LRP1B: variants seen among roughly 807,000 people sequenced by gnomAD.
LRP1B encodes the protein low-density lipoprotein receptor-related protein 1B.
Under a neutral mutation model 556.6 loss-of-function variants are expected in LRP1B, and 217 were observed. The ratio of observed to expected loss-of-function variants is 0.39; its 90% confidence interval spans 0.35 to 0.44. The LOEUF is 0.44. Ranked by LOEUF, LRP1B falls within the 20% of genes least tolerant of loss-of-function variation. The pLI is 1.00. For synonymous variants in LRP1B, 2,047 were observed against 1,865.8 expected, an observed-to-expected ratio of 1.10 and a Z score of -2.50; for missense variants, 5,053 against 5,620.8, an observed-to-expected ratio of 0.90 and a Z score of 3.23.
chr2:140,357,467 A>AAATT (rs1682279618), intron 74 of LRP1B, among the ~76,000 whole-genome samples: 6 of 151,604 alleles, frequency 4.0e-5, no homozygotes, highest in African/African-American at 1.5e-4. Flanking sequence ...TTTTTCTTTA[A>AAATT]TATAAAAAAT....
chr2:141,359,774 C>CT (rs1688754270), intron 3 of LRP1B, among the ~76,000 whole-genome samples: 29 of 146,814 alleles, frequency 2.0e-4, no homozygotes, highest in Non-Finnish European at 2.7e-4. Flanking sequence ...CGCCCCGCCC[C>CT]GCCCCGCCCC....
chr2:140,233,368 T>C (rs1680555845), intron 90 of LRP1B, 42 bp from the exon 91 acceptor site: 1 of 1,416,136 alleles, frequency 7.1e-7, no homozygotes, highest in Non-Finnish European at 9.5e-7. Flanking sequence ...TTACTGGTCT[T>C]GGCCACATTA....
At chr2:141,409,960 C>T (rs1027678217) in intron 3 of LRP1B, among the ~76,000 whole-genome samples, 3 of 151,836 alleles carry the variant, frequency 2.0e-5, no homozygotes, top group African/African-American at 7.3e-5. Flanking sequence ...GCACTGAGTT[C>T]ACTGTAGAGG....
chr2:140,674,138 C>T (rs1052655694), intron 41 of LRP1B, among the ~76,000 whole-genome samples: 25 of 151,744 alleles, frequency 1.6e-4, no homozygotes, highest in South Asian at 4.2e-4. Context: ...TTAGTAGAGA[C>T]GGGGTTTAAC....
intron 79 of LRP1B, among the ~76,000 whole-genome samples, chr2:140,328,785 TACAC>T (rs142058381): frequency 0.02 from 3,086 of 152,042 alleles, 37 homozygotes; most frequent in African/African-American, 0.028. Flanking sequence ...CATGTTTTCA[TACAC>T]ACACACAAAC....
chr2:140,955,510 T>G (rs932313537), intron 18 of LRP1B, among the ~76,000 whole-genome samples: 1 of 151,768 alleles, frequency 6.6e-6, no homozygotes, highest in Non-Finnish European at 1.5e-5. Context: ...TGAACAAAAA[T>G]GGCTTACATG....
intron 18 of LRP1B, among the ~76,000 whole-genome samples, chr2:140,976,170 T>A (rs1169435248): frequency 6.6e-6 from 1 of 152,094 alleles, no homozygotes; most frequent in African/African-American, 2.4e-5. Context: ...TCCACCTACA[T>A]CAGCCTGCCA....
intron 2 of LRP1B, among the ~76,000 whole-genome samples, chr2:141,490,668 A>C (rs1013151714): frequency 1.2e-4 from 18 of 152,122 alleles, no homozygotes; most frequent in African/African-American, 2.4e-5. Flanking sequence ...CAAATAGATA[A>C]GAAAATAAAT....
chr2:141,711,960 C>G lies in LRP1B; in HGVS notation c.205+98319G>C, dbSNP rs146944128. On this transcript the variant is annotated intron_variant, in intron 2 of 90. Transcript: ENST00000389484. ...AAATATGAACACACACAGACACACA[C>G]ACACACACACACACAACTTCATACA... 1.2e-3 allele frequency among the ~76,000 whole-genome samples: 179 copies of G among 151,852 alleles called. 1 individual carries two copies. The highest frequency in any genetic ancestry group is 1.8e-3 in the Non-Finnish European group (124 of 67,936).
At chr2:141,693,020 G>T (rs1370626532) in intron 2 of LRP1B, among the ~76,000 whole-genome samples, 5 of 151,988 alleles carry the variant, frequency 3.3e-5, no homozygotes, top group Non-Finnish European at 7.4e-5. Flanking sequence ...TCAAGAGGGT[G>T]CTAGAAGAGC....
intron 1 of LRP1B, among the ~76,000 whole-genome samples, chr2:141,909,526 A>ATTTTTTTTTTT (rs377577096): frequency 1.1e-5 from 1 of 93,394 alleles, no homozygotes; most frequent in African/African-American, 4.7e-5. Context: ...GGTCTCAGAC[A>ATTTTTTTTTTT]TTTTTTTTTT....
intron 31 of LRP1B, among the ~76,000 whole-genome samples, chr2:140,816,920 G>A (rs1354640664): frequency 1.3e-5 from 2 of 151,976 alleles, no homozygotes; most frequent in African/African-American, 4.8e-5. Context: ...TGATTAATTG[G>A]TATACATGAT....
At chr2:140,617,627 A>G (rs1683304452) in intron 41 of LRP1B, among the ~76,000 whole-genome samples, 1 of 152,046 alleles carries the variant, frequency 6.6e-6, no homozygotes. Flanking sequence ...GTTTAGATAT[A>G]TCAGCAGTAC....
chr2:141,413,908 G>A (rs1229703741), intron 3 of LRP1B, among the ~76,000 whole-genome samples: 1 of 144,904 alleles, frequency 6.9e-6, no homozygotes, highest in African/African-American at 2.5e-5. Flanking sequence ...AGAGAAAGGA[G>A]AAGAGAAGAG....
chr2:141,856,402 C>T (rs1698051802), intron 1 of LRP1B, among the ~76,000 whole-genome samples: 1 of 152,016 alleles, frequency 6.6e-6, no homozygotes, highest in Non-Finnish European at 1.5e-5. Context: ...CAGTAGGAGG[C>T]CCATTTCTTT....
chr2:141,088,566 T>C (rs1271629654), intron 7 of LRP1B, among the ~76,000 whole-genome samples: 1 of 152,162 alleles, frequency 6.6e-6, no homozygotes, highest in Non-Finnish European at 1.5e-5. Context: ...ATATTTATGA[T>C]ACGGGTGAGG....
At chr2:140,318,320 T>C (rs1219648993) in intron 82 of LRP1B, among the ~76,000 whole-genome samples, 13 of 152,292 alleles carry the variant, frequency 8.5e-5, no homozygotes, top group African/African-American at 2.6e-4. Flanking sequence ...TTTGATTAAA[T>C]GTAAGATTTT....
intron 49 of LRP1B, among the ~76,000 whole-genome samples, chr2:140,519,831 C>A (rs1377008542): frequency 6.6e-6 from 1 of 152,154 alleles, no homozygotes; most frequent in African/African-American, 2.4e-5. Flanking sequence ...CCAAAGAAGA[C>A]ATTTATGCAG....
At chr2:141,875,314 G>A (rs1338649552) in intron 1 of LRP1B, among the ~76,000 whole-genome samples, 2 of 151,674 alleles carry the variant, frequency 1.3e-5, no homozygotes. Context: ...GCCACACACA[G>A]CCAATATTTA....
Sources: gnomAD v4.1 joint callset for allele counts (sites outside exome capture counted in the v4.1 genomes callset) on GRCh38, gnomAD v4.1.1 for gene constraint, MANE v1.5 for transcripts, NCBI Gene and HGNC (gene_info 2026-07-23, HGNC 2026-07-21) for gene names.